The following GOLGA7B variants were observed in gnomAD, a reference collection of about 807,000 sequenced individuals.
GOLGA7B encodes the protein golgin A7 family member B, also known as golgin subfamily A member 7B.
In GOLGA7B, 17 loss-of-function variants were observed where a neutral mutation model predicts 21.5. The observed-to-expected ratio is 0.79, with a 90% CI of 0.54 to 1.19. GOLGA7B has a LOEUF of 1.19. GOLGA7B is among the 50% of genes most tolerant of loss of function. The probability of loss-of-function intolerance (pLI) is 0.00; values close to 1 mark genes in which losing one functional copy is unlikely to be tolerated. For synonymous variants in GOLGA7B, 87 were observed against 84.0 expected, an observed-to-expected ratio of 1.04 and a Z score of -0.19; for missense variants, 169 against 224.4, an observed-to-expected ratio of 0.75 and a Z score of 1.58.
Position 97,869,964 on chromosome 10 carries a change from G to C in GOLGA7B, c.*4264G>C, listed in dbSNP as rs372299620. On this transcript the variant is annotated 3_prime_UTR_variant, in exon 5 of 5. Transcript: ENST00000370602. ...GCAAGGCAAACACCACTCCACATCAGATCTGAATTTGAGCTCTGGCTTCAT... is the reference window on the plus strand; with the variant it reads ...GCAAGGCAAACACCACTCCACATCACATCTGAATTTGAGCTCTGGCTTCAT... The C allele has an allele frequency of 9.8e-5, 15 of 152,342 alleles. No homozygotes were observed. Among genetic ancestry groups the C allele is most frequent in the East Asian group, 3.9e-4 (2 of 5,186 alleles). The allele number at this position is 152,342 out of a possible 1,614,324, so 9.4% of individuals were successfully genotyped here.
chr10:97,850,292 C>T lies in GOLGA7B; in HGVS notation c.-12C>T. On this transcript the variant is annotated 5_prime_UTR_variant, in exon 1 of 5. Coordinates refer to ENST00000370602, the MANE Select transcript of GOLGA7B (RefSeq NM_001010917.3). ...GCCCGGCCCCGCGACAGCCTCCGAGCGCCCCCGGATCATGGCCACCGAGGT... is the reference window on the plus strand; with the variant it reads ...GCCCGGCCCCGCGACAGCCTCCGAGTGCCCCCGGATCATGGCCACCGAGGT... 1 of 1,499,530 alleles carries T rather than the reference C, an allele frequency of 6.7e-7. No individual in the cohort carries two copies. Among genetic ancestry groups the T allele is most frequent in the Non-Finnish European group, 8.9e-7 (1 of 1,127,110 alleles). 92.9% of individuals were successfully genotyped at this position (1,499,530 alleles called of 1,614,324 possible).
In GOLGA7B at chr10:97,869,133, G is replaced by A. The variant is rs1293162323; in HGVS notation, c.*3433G>A. Reference sequence around the variant, plus strand: ...ACAGCTTGAGGGCCTCAGCCGTCCTGGGATTAGGATCAGGCAGATTCCCAG... The same window carrying A: ...ACAGCTTGAGGGCCTCAGCCGTCCTAGGATTAGGATCAGGCAGATTCCCAG... On this transcript the variant is annotated 3_prime_UTR_variant, in exon 5 of 5. Transcript: ENST00000370602. 1 of 152,366 alleles carries A rather than the reference G, an allele frequency of 6.6e-6. No individual in the cohort carries two copies. The highest frequency in any genetic ancestry group is 1.5e-5 in the Non-Finnish European group (1 of 68,036). The allele number at this position is 152,366 out of a possible 1,614,324, so 9.4% of individuals were successfully genotyped here.
In GOLGA7B at chr10:97,865,758, C is replaced by A. The variant is rs749346344; in HGVS notation, c.*58C>A. ...CCGGAGTGAGGGCCTTGCAGACCTG[C>A]GGCGGCTGCGCTACCAGAGCACCCG... On this transcript the variant is annotated 3_prime_UTR_variant, in exon 5 of 5. Coordinates refer to ENST00000370602, the MANE Select transcript of GOLGA7B (RefSeq NM_001010917.3). 4.4e-5 allele frequency: 57 copies of A among 1,294,652 alleles called. No individual in the cohort carries two copies. The highest frequency in any genetic ancestry group is 5.6e-5 in the Non-Finnish European group (55 of 990,026). The allele number at this position is 1,294,652 out of a possible 1,614,324, so 80.2% of individuals were successfully genotyped here. A position where few individuals can be genotyped will look rare whatever the true frequency, so the allele number is the denominator to read the frequency against.
At chr10:97,856,233 C>T (rs968984695) in intron 1 of GOLGA7B, among the ~76,000 whole-genome samples, 2 of 152,180 alleles carry the variant, frequency 1.3e-5, no homozygotes, top group Non-Finnish European at 2.9e-5. Flanking sequence ...ACCCCCTCCC[C>T]TCTTTTGGAA....
At chr10:97,853,066 G>A (rs570469485) in intron 1 of GOLGA7B, among the ~76,000 whole-genome samples, 84 of 152,294 alleles carry the variant, frequency 5.5e-4, no homozygotes, top group African/African-American at 2.0e-3. Context: ...TCCAAGTAGC[G>A]TTATTCAAGC....
intron 1 of GOLGA7B, 55 bp downstream of exon 1, chr10:97,850,370 C>T (rs2049897586): frequency 6.8e-7 from 1 of 1,476,724 alleles, no homozygotes; most frequent in Non-Finnish European, 9.1e-7. Context: ...GGACCAAATG[C>T]CCTAGGGGTG....
chr10:97,864,077 G>A lies in GOLGA7B; in HGVS notation c.286G>A (p.Glu96Lys), dbSNP rs749193011. 11 of 1,613,884 alleles carry A rather than the reference G, an allele frequency of 6.8e-6. No individual in the cohort carries two copies. The Admixed American group carries it at 1.2e-4, about 17-fold the overall frequency. The change falls in exon 3 of 5, where the codon GAG becomes AAG. Residue 96 changes from glutamate (E) to lysine (K), a missense_variant. Glu to Lys is a moderately conservative substitution (Grantham distance 56). Coordinates refer to ENST00000370602, the MANE Select transcript of GOLGA7B (RefSeq NM_001010917.3). ...FIFLCMETHY[E>K]KVLKKISRYI... ...CTTCCTCTGCATGGAGACCCACTATGAGAAGGTGGCCCCTCCCGCCCCACC... is the reference window on the plus strand; with the variant it reads ...CTTCCTCTGCATGGAGACCCACTATAAGAAGGTGGCCCCTCCCGCCCCACC...
rs2050057669 is a variant in GOLGA7B at position 97,868,853 on chromosome 10, A to G, written c.*3153A>G. ...ACCCTTCCATTTTCAAATGGTAATC[A>G]TAATAATAATAGTAGCTGACGTTTA... is the stretch of plus-strand genomic sequence containing the variant. On this transcript the variant is annotated 3_prime_UTR_variant, in exon 5 of 5. Transcript: ENST00000370602. 1 of 152,168 alleles carries G rather than the reference A, an allele frequency of 6.6e-6. No individual in the cohort carries two copies. Among genetic ancestry groups the G allele is most frequent in the African/African-American group, 2.4e-5 (1 of 41,422 alleles). 9.4% of individuals were successfully genotyped at this position (152,168 alleles called of 1,614,324 possible).
At position 97,854,843 on chromosome 10, in the gene GOLGA7B, T is replaced by C. The variant is rs545718069; in HGVS notation, c.12+4528T>C. Among the ~76,000 whole-genome samples, 14 of 152,302 alleles carry C rather than the reference T, an allele frequency of 9.2e-5. No homozygotes were observed. In the East Asian group the frequency reaches 2.7e-3, roughly 29 times the overall value. On this transcript the variant is annotated intron_variant, in intron 1 of 4. Transcript: ENST00000370602. ...CAGGTAAGTGTTCCTGATCAACAGGTATTCCAGGCGGTGATTCAAGGCAGT... is the reference window on the plus strand; with the variant it reads ...CAGGTAAGTGTTCCTGATCAACAGGCATTCCAGGCGGTGATTCAAGGCAGT...
intron 1 of GOLGA7B, among the ~76,000 whole-genome samples, chr10:97,851,952 G>A (rs1000787039): frequency 4.6e-5 from 7 of 152,210 alleles, no homozygotes; most frequent in African/African-American, 7.2e-5. Flanking sequence ...AAGCACTATC[G>A]CATAAGTGAT....
intron 1 of GOLGA7B, among the ~76,000 whole-genome samples, chr10:97,856,301 A>G (rs898647994): frequency 6.6e-6 from 1 of 152,102 alleles, no homozygotes; most frequent in Non-Finnish European, 1.5e-5. Context: ...TTTAGCTTAG[A>G]TTTATAAGTG....
rs1051149201 is a variant in GOLGA7B at position 97,850,224 on chromosome 10, C to T, written c.-80C>T. 3.0e-5 allele frequency: 34 copies of T among 1,127,748 alleles called. No homozygotes were observed. The East Asian group carries it at 1.1e-3, about 35-fold the overall frequency. The allele number at this position is 1,127,748 out of a possible 1,614,324, so 69.9% of individuals were successfully genotyped here. ...GGGCCCCAGCTCGCCGCCACCGCCG[C>T]CGCCCACCTGCTCCCGGGGTCAGCA... On this transcript the variant is annotated 5_prime_UTR_variant, in exon 1 of 5. Transcript: ENST00000370602.
At chr10:97,864,733 C>T (rs140338672) in intron 4 of GOLGA7B, among the ~76,000 whole-genome samples, 10 of 152,224 alleles carry the variant, frequency 6.6e-5, no homozygotes, top group African/African-American at 2.4e-4. Context: ...CATGGAATCT[C>T]CCGTGGCAGG....
chr10:97,856,023 C>A (rs1421853169), intron 1 of GOLGA7B, among the ~76,000 whole-genome samples: 2 of 152,246 alleles, frequency 1.3e-5, no homozygotes, highest in Non-Finnish European at 1.5e-5. Flanking sequence ...GCTCCTTCTA[C>A]TTTATTGATA....
intron 1 of GOLGA7B, among the ~76,000 whole-genome samples, chr10:97,854,458 C>T (rs2049923046): frequency 6.6e-6 from 1 of 152,194 alleles, no homozygotes; most frequent in African/African-American, 2.4e-5. Flanking sequence ...AAATCCGGCT[C>T]TTCACCAACT....
intron 4 of GOLGA7B, among the ~76,000 whole-genome samples, chr10:97,864,737 T>G (rs1216293770): frequency 6.6e-6 from 1 of 152,160 alleles, no homozygotes; most frequent in African/African-American, 2.4e-5. Flanking sequence ...GAATCTCCCG[T>G]GGCAGGTCGC....
At chr10:97,860,605 G>A (rs765535606) in intron 2 of GOLGA7B, among the ~76,000 whole-genome samples, 5 of 152,184 alleles carry the variant, frequency 3.3e-5, no homozygotes, top group South Asian at 4.1e-4. Flanking sequence ...CGCCCTCCTC[G>A]GCCTCCCAAA....
intron 4 of GOLGA7B, chr10:97,864,992 A>T (rs2050003382): frequency 6.6e-6 from 1 of 152,486 alleles, no homozygotes; most frequent in Non-Finnish European, 1.5e-5. Context: ...AACCACAAAC[A>T]CCCAGAATCA....
At chr10:97,853,266 T>A (rs1329883629) in intron 1 of GOLGA7B, among the ~76,000 whole-genome samples, 2 of 152,110 alleles carry the variant, frequency 1.3e-5, no homozygotes, top group African/African-American at 4.8e-5. Flanking sequence ...GGAAGCAGAG[T>A]GCTGGCATCA....
Sources: gnomAD v4.1 joint callset for allele counts (sites outside exome capture counted in the v4.1 genomes callset) on GRCh38, gnomAD v4.1.1 for gene constraint, MANE v1.5 for transcripts, NCBI Gene and HGNC (gene_info 2026-07-23, HGNC 2026-07-21) for gene names.